The following PCDH11X variants were observed in gnomAD, a reference collection of about 807,000 sequenced individuals.
The protein encoded by PCDH11X is protocadherin-11 X-linked.
A neutral mutation model predicts 53.3 loss-of-function variants in PCDH11X; 18 were observed. The observed-to-expected ratio is 0.34, with a 90% confidence interval of 0.23 to 0.50. PCDH11X has a LOEUF of 0.50. PCDH11X is among the 20% of genes least tolerant of loss of function. The pLI is 0.98. For synonymous variants in PCDH11X, 279 were observed against 393.3 expected, an observed-to-expected ratio of 0.71 and a Z score of 3.44; for missense variants, 570 against 1,032.4, an observed-to-expected ratio of 0.55 and a Z score of 6.14.
intron 9 of PCDH11X, among the ~76,000 whole-genome samples, chrX:92,435,180 A>C (rs1002118461): frequency 4.5e-5 from 5 of 110,823 alleles, no homozygotes; most frequent in African/African-American, 1.6e-4. Flanking sequence ...ATGAGGAAAT[A>C]ATCTCAAATC....
intron 10 of PCDH11X, among the ~76,000 whole-genome samples, chrX:92,507,025 G>T (rs1201620651): frequency 1.8e-5 from 2 of 110,579 alleles, no homozygotes; most frequent in African/African-American, 3.3e-5. Flanking sequence ...GTCTCTGAGG[G>T]TTTGTATGTC....
intron 6 of PCDH11X, among the ~76,000 whole-genome samples, chrX:91,984,905 A>AAG (rs1569292744): frequency 9.0e-6 from 1 of 111,325 alleles, no homozygotes. Flanking sequence ...CTAAGACCTT[A>AAG]GCCTTGTGCC....
intron 10 of PCDH11X, among the ~76,000 whole-genome samples, chrX:92,577,407 C>T (rs1224502365): frequency 1.8e-5 from 2 of 109,940 alleles, no homozygotes; most frequent in Non-Finnish European, 3.8e-5. Context: ...CTTATCATTT[C>T]TGAATATGTT....
At chrX:92,119,432 G>C (rs1602977486) in intron 6 of PCDH11X, among the ~76,000 whole-genome samples, 2 of 111,482 alleles carry the variant, frequency 1.8e-5, no homozygotes, top group Non-Finnish European at 3.8e-5. Context: ...AAAAATCAAA[G>C]CAATATGCTA....
intron 10 of PCDH11X, among the ~76,000 whole-genome samples, chrX:92,586,676 T>G (rs1164255762): frequency 9.3e-6 from 1 of 108,100 alleles, no homozygotes; most frequent in Non-Finnish European, 1.9e-5. Context: ...TGTAGAAATA[T>G]TAGGTGAAAA....
At chrX:92,461,580 T>C (rs1448537121) in intron 9 of PCDH11X, among the ~76,000 whole-genome samples, 1 of 112,041 alleles carries the variant, frequency 8.9e-6, no homozygotes, top group Non-Finnish European at 1.9e-5. Flanking sequence ...AACACTTAAA[T>C]CTAAGACCTT....
chrX:92,596,998 G>T (rs1319139744), intron 10 of PCDH11X, among the ~76,000 whole-genome samples: 1 of 111,017 alleles, frequency 9.0e-6, no homozygotes, highest in African/African-American at 3.3e-5. Flanking sequence ...ACCCCTTAAT[G>T]AGAAAAACTC....
intron 10 of PCDH11X, among the ~76,000 whole-genome samples, chrX:92,554,666 AT>A (rs2075018410): frequency 9.2e-6 from 1 of 109,063 alleles, no homozygotes; most frequent in Non-Finnish European, 1.9e-5. Context: ...TTTGCTCTGA[AT>A]TTTTTATTAA....
At chrX:92,182,714 A>G (rs2066017699) in intron 6 of PCDH11X, among the ~76,000 whole-genome samples, 1 of 111,927 alleles carries the variant, frequency 8.9e-6, no homozygotes. Flanking sequence ...ACTGCCATCC[A>G]TGTGAGAGAT....
At chrX:92,122,289 C>T (rs1306465420) in intron 6 of PCDH11X, among the ~76,000 whole-genome samples, 4 of 111,053 alleles carry the variant, frequency 3.6e-5, no homozygotes, top group Non-Finnish European at 5.7e-5. Context: ...GCCGCAGTCA[C>T]CTCTTGAAAA....
intron 6 of PCDH11X, among the ~76,000 whole-genome samples, chrX:92,106,467 GC>G (rs1330489422): frequency 9.0e-6 from 1 of 111,695 alleles, no homozygotes; most frequent in African/African-American, 3.3e-5. Flanking sequence ...TGAATATGGA[GC>G]AAAATTGGAA....
At chrX:92,550,997 C>T (rs1446474775) in intron 10 of PCDH11X, among the ~76,000 whole-genome samples, 3 of 111,014 alleles carry the variant, frequency 2.7e-5, no homozygotes, top group Admixed American at 1.9e-4. Context: ...TTGATGGAAA[C>T]TTAGGTTGCT....
intron 6 of PCDH11X, among the ~76,000 whole-genome samples, chrX:92,147,833 TTCTTTC>T (rs1265637303): frequency 1.6e-4 from 15 of 91,920 alleles, no homozygotes; most frequent in African/African-American, 7.6e-4. Flanking sequence ...CTTTCTTTCT[TTCTTTC>T]TTTCTTTCTT....
chrX:91,988,409 C>T (rs1388838084), intron 6 of PCDH11X, among the ~76,000 whole-genome samples: 2 of 112,280 alleles, frequency 1.8e-5, no homozygotes, highest in Admixed American at 1.9e-4. Flanking sequence ...ATGTGTCTTC[C>T]TCTTTGCTGA....
At chrX:92,026,400 A>C (rs745453981) in intron 6 of PCDH11X, among the ~76,000 whole-genome samples, 1 of 105,779 alleles carries the variant, frequency 9.5e-6, no homozygotes, top group South Asian at 4.8e-4. Flanking sequence ...ATTATTTACT[A>C]TCTGCCTTTT....
intron 6 of PCDH11X, among the ~76,000 whole-genome samples, chrX:92,060,632 A>G (rs1285953187): frequency 9.2e-6 from 1 of 108,964 alleles, no homozygotes; most frequent in Non-Finnish European, 1.9e-5. Context: ...CTCCAGCTCC[A>G]TTTATGTTGC....
At chrX:92,290,574 G>A (rs1373634190) in intron 8 of PCDH11X, among the ~76,000 whole-genome samples, 5 of 112,365 alleles carry the variant, frequency 4.4e-5, no homozygotes, top group Non-Finnish European at 9.4e-5. Context: ...AAAATCAAGT[G>A]TTTGAAGAAA....
rs765661288 is a variant in PCDH11X, at chrX:92,569,833, T to C, written c.3368-48431T>C. On this transcript the variant is annotated intron_variant, in intron 10 of 10. Transcript: ENST00000682573. ...GAGTTCGAGACCAGCCTGAACAACATGGTGAAACCCCCTCTCTACTAAAAA... is the reference window on the plus strand; with the variant it reads ...GAGTTCGAGACCAGCCTGAACAACACGGTGAAACCCCCTCTCTACTAAAAA... 2.9e-5 allele frequency: 4 copies of C among 136,955 alleles called. No homozygotes were observed. The South Asian group carries it at 5.4e-4, about 19-fold the overall frequency. The allele number at this position is 136,955 out of a possible 1,213,427, so 11.3% of individuals were successfully genotyped here. A position where few individuals can be genotyped will look rare whatever the true frequency, so the allele number is the denominator to read the frequency against.
chrX:91,995,756 C>T (rs1387828504), intron 6 of PCDH11X, among the ~76,000 whole-genome samples: 2 of 110,631 alleles, frequency 1.8e-5, no homozygotes, highest in Non-Finnish European at 3.8e-5. Context: ...TGTATTAAAT[C>T]TGTACATTGC....
Sources: allele counts gnomAD v4.1 joint callset (sites outside exome capture counted in the v4.1 genomes callset), GRCh38; gene constraint gnomAD v4.1.1; transcripts MANE v1.5; gene names NCBI Gene and HGNC (gene_info 2026-07-23, HGNC 2026-07-21).